LIPI: variants seen among roughly 807,000 people sequenced by gnomAD.
LIPI encodes lipase I.
LIPI carries 59 observed loss-of-function variants against 50.6 expected under a neutral mutation model. The observed-to-expected ratio is 1.16, with a 90% CI of 0.94 to 1.45. LIPI has a LOEUF of 1.45. Among genes scored for constraint, LIPI ranks in the 40% most tolerant of loss-of-function variants. The probability of loss-of-function intolerance (pLI) is 0.00; values close to 1 mark genes in which losing one functional copy is unlikely to be tolerated. For synonymous variants in LIPI, 203 were observed against 178.2 expected, an observed-to-expected ratio of 1.14 and a Z score of -1.11; for missense variants, 586 against 536.3, an observed-to-expected ratio of 1.09 and a Z score of -0.92.
In LIPI at chr21:14,166,084, C is replaced by T. The variant is rs114768919; in HGVS notation, c.733+278G>A. Among the ~76,000 whole-genome samples the T allele has an allele frequency of 5.1e-3, 779 of 152,248 alleles. 5 individuals carry two copies. Among genetic ancestry groups the T allele is most frequent in the African/African-American group, 0.018 (739 of 41,552 alleles). The stretch of plus-strand genomic sequence containing the variant: ...GATACTTGAGCTACATGTGCTTCCT[C>T]AATGACTTACGACTTCTCCTAATGT... On this transcript the variant is annotated intron_variant, in intron 5 of 9. Transcript: ENST00000681601.
At chr21:14,171,759 A>C (rs1461890175) in intron 4 of LIPI, among the ~76,000 whole-genome samples, 1 of 152,014 alleles carries the variant, frequency 6.6e-6, no homozygotes, top group Non-Finnish European at 1.5e-5. Flanking sequence ...AAACCATAAA[A>C]ACCCTAGAAG....
intron 9 of LIPI, among the ~76,000 whole-genome samples, chr21:14,125,471 G>T (rs1158376505): frequency 6.6e-6 from 1 of 152,182 alleles, no homozygotes; most frequent in Non-Finnish European, 1.5e-5. Flanking sequence ...ATCCAAAAAG[G>T]CAGACGATGA....
chr21:14,111,538 A>G (rs925614419), intron 9 of LIPI, among the ~76,000 whole-genome samples: 2 of 151,926 alleles, frequency 1.3e-5, no homozygotes, highest in African/African-American at 4.8e-5. Flanking sequence ...CATTCTGTAG[A>G]TTGTCTCTTA....
intron 1 of LIPI, among the ~76,000 whole-genome samples, chr21:14,197,229 T>C (rs962491713): frequency 2.0e-5 from 3 of 151,992 alleles, no homozygotes; most frequent in Non-Finnish European, 1.5e-5. Context: ...TTTATGCCAA[T>C]TGGAATCATC....
At chr21:14,113,820 T>C (rs1274561609) in intron 9 of LIPI, among the ~76,000 whole-genome samples, 1 of 152,192 alleles carries the variant, frequency 6.6e-6, no homozygotes, top group Non-Finnish European at 1.5e-5. Flanking sequence ...TTAACAATCA[T>C]GGCAGAAGGC....
intron 7 of LIPI, among the ~76,000 whole-genome samples, chr21:14,162,496 T>C (rs2018532839): frequency 6.6e-6 from 1 of 151,826 alleles, no homozygotes; most frequent in South Asian, 2.1e-4. Flanking sequence ...ATGGGTGCAT[T>C]GTATCAATGT....
intron 7 of LIPI, among the ~76,000 whole-genome samples, chr21:14,153,013 C>A (rs912468388): frequency 6.6e-6 from 1 of 152,078 alleles, no homozygotes; most frequent in Non-Finnish European, 1.5e-5. Context: ...AATTAAGCAA[C>A]TTTTACTTTT....
chr21:14,181,525 A>G (rs2123242363), intron 4 of LIPI, among the ~76,000 whole-genome samples: 2 of 152,292 alleles, frequency 1.3e-5, no homozygotes, highest in Middle Eastern at 6.8e-3. Flanking sequence ...TTAGGATGAC[A>G]TGACACATCT....
intron 9 of LIPI, among the ~76,000 whole-genome samples, chr21:14,126,525 TG>T (rs1483636973): frequency 6.6e-6 from 1 of 152,208 alleles, no homozygotes; most frequent in African/African-American, 2.4e-5. Flanking sequence ...CAAAAATATT[TG>T]GGGGAAAAAT....
chr21:14,119,498 G>A (rs990535620), intron 9 of LIPI, among the ~76,000 whole-genome samples: 10 of 152,256 alleles, frequency 6.6e-5, no homozygotes, highest in South Asian at 4.1e-4. Context: ...CGGCAAGTGC[G>A]GGAATTCCTA....
intron 9 of LIPI, among the ~76,000 whole-genome samples, chr21:14,127,985 A>G (rs985926096): frequency 1.3e-5 from 2 of 152,118 alleles, no homozygotes; most frequent in African/African-American, 4.8e-5. Flanking sequence ...AAGATAGAAT[A>G]CAAAGTAGCC....
intron 8 of LIPI, 139 bp downstream of exon 8, chr21:14,152,434 G>A: frequency 1.5e-5 from 9 of 592,682 alleles, no homozygotes; most frequent in South Asian, 8.7e-5. Context: ...TATAACATAT[G>A]AGATCCTTTT....
intron 3 of LIPI, among the ~76,000 whole-genome samples, chr21:14,182,904 G>A (rs935951085): frequency 6.6e-6 from 1 of 152,112 alleles, no homozygotes; most frequent in African/African-American, 2.4e-5. Flanking sequence ...TTGTGAAAAG[G>A]TAATTTATAG....
At position 14,181,768 on chromosome 21, in the gene LIPI, A is replaced by T. The variant is rs2123243485; in HGVS notation, c.633T>A (p.Ser211=). The part of the protein sequence containing the change: ...TDAKFVDVIH[S]DSNGLGIQEP... ...ATCCTGATTTGTTACCATTGGAGTC[A>T]GAATGGATGACATCCACAAACTTTG... is the stretch of plus-strand genomic sequence containing the variant. Residue 211 remains serine, a synonymous_variant, in exon 4 of 10, where the codon TCT becomes TCA. Transcript: ENST00000681601. The T allele has an allele frequency of 6.3e-7, 1 of 1,595,542 alleles. No homozygotes were observed. The highest frequency in any genetic ancestry group is 2.2e-5 in the East Asian group (1 of 44,742).
chr21:14,192,948 CA>C (rs1366955768), intron 1 of LIPI, among the ~76,000 whole-genome samples: 5 of 152,106 alleles, frequency 3.3e-5, no homozygotes, highest in African/African-American at 1.2e-4. Flanking sequence ...GTGGTAAAGA[CA>C]AATATATGAC....
intron 2 of LIPI, among the ~76,000 whole-genome samples, chr21:14,186,676 T>C (rs186988702): frequency 9.9e-5 from 15 of 152,280 alleles, no homozygotes; most frequent in Non-Finnish European, 5.9e-5. Context: ...AAGGTGATGA[T>C]ATTTGGAGGT....
At chr21:14,115,827 G>A (rs1401622387) in intron 9 of LIPI, among the ~76,000 whole-genome samples, 2 of 152,270 alleles carry the variant, frequency 1.3e-5, no homozygotes, top group East Asian at 1.9e-4. Context: ...TCACCTCCCA[G>A]GGAACGACCA....
chr21:14,152,410 TAAAG>T (rs933760309), intron 8 of LIPI, among the ~76,000 whole-genome samples, 159 bp downstream of exon 8: 1 of 152,116 alleles, frequency 6.6e-6, no homozygotes, highest in Non-Finnish European at 1.5e-5. Context: ...CTCTGTAAAA[TAAAG>T]GAATTAGAAT....
At chr21:14,156,760 T>C (rs74694896) in intron 7 of LIPI, among the ~76,000 whole-genome samples, 1,679 of 152,002 alleles carry the variant, frequency 0.011, 34 homozygotes, top group African/African-American at 0.038. Context: ...TAGGAAAGCC[T>C]AGATTTCCTT....
Sources: gnomAD v4.1 joint callset for allele counts (sites outside exome capture counted in the v4.1 genomes callset) on GRCh38, gnomAD v4.1.1 for gene constraint, MANE v1.5 for transcripts, NCBI Gene and HGNC (gene_info 2026-07-23, HGNC 2026-07-21) for gene names.